HS6ST2: variants seen among roughly 807,000 people sequenced by gnomAD.
HS6ST2 encodes heparan-sulfate 6-O-sulfotransferase 2.
Under a neutral mutation model 33.0 loss-of-function variants are expected in HS6ST2, and 17 were observed. That is an observed-to-expected ratio of 0.52 (90% CI 0.35 to 0.77). The LOEUF is 0.77. Ranked by LOEUF, HS6ST2 falls within the 30% of genes least tolerant of loss-of-function variation. The pLI is 0.01. For synonymous variants in HS6ST2, 248 were observed against 237.1 expected (o/e 1.05, Z -0.42); for missense variants, 519 against 551.7 (o/e 0.94, Z 0.59).
In HS6ST2 at chrX:132,958,394, T is replaced by C; in HGVS notation, c.209A>G (p.Lys70Arg). 1 of 1,198,736 alleles carries C rather than the reference T, an allele frequency of 8.3e-7. No individual in the cohort carries two copies. The highest frequency in any genetic ancestry group is 3.0e-5 in the East Asian group (1 of 33,601). The change falls in exon 1 of 5, where the codon AAG becomes AGG. Residue 70 changes from lysine to arginine, a missense_variant. Transcript: ENST00000370833. ...HGFHTRPLLD[K>R]PRKASSSLAG... ...CAGGGAAGAAGACGCCTTTCGGGGC[T>C]TGTCCAGGAGCGGCCGGGTGTGGAA...
chrX:132,670,502 T>C (rs1467884073), intron 3 of HS6ST2, among the ~76,000 whole-genome samples: 1 of 111,507 alleles, frequency 9.0e-6, no homozygotes, highest in African/African-American at 3.3e-5. Flanking sequence ...TCCAAGCACT[T>C]AAGAGTCAGT....
intron 2 of HS6ST2, among the ~76,000 whole-genome samples, chrX:132,777,742 C>T (rs375519073): frequency 2.7e-5 from 3 of 110,659 alleles, no homozygotes; most frequent in East Asian, 2.8e-4. Flanking sequence ...CCACCACACC[C>T]GGCCTAAATA....
At chrX:132,752,810 T>C (rs747444729) in intron 2 of HS6ST2, among the ~76,000 whole-genome samples, 121 of 112,570 alleles carry the variant, frequency 1.1e-3, no homozygotes, top group Non-Finnish European at 2.0e-3. Context: ...TCCGTGCCTA[T>C]GACATTATGT....
intron 2 of HS6ST2, among the ~76,000 whole-genome samples, chrX:132,761,654 G>T (rs752188313): frequency 1.8e-5 from 2 of 112,119 alleles, no homozygotes; most frequent in South Asian, 7.6e-4. Context: ...GTCCATGCAA[G>T]GAGAGTTATT....
intron 2 of HS6ST2, among the ~76,000 whole-genome samples, chrX:132,954,716 T>A (rs1414204928): frequency 8.9e-6 from 1 of 112,287 alleles, no homozygotes; most frequent in Admixed American, 9.4e-5. Flanking sequence ...CACCGTAAAA[T>A]CCAGTAACTG....
intron 2 of HS6ST2, among the ~76,000 whole-genome samples, chrX:132,943,055 T>G (rs1370881116): frequency 8.9e-6 from 1 of 112,285 alleles, no homozygotes; most frequent in Non-Finnish European, 1.9e-5. Context: ...TTGAAATAAC[T>G]TCGGCATCTA....
At chrX:132,902,102 ATTT>A (rs772438138) in intron 2 of HS6ST2, among the ~76,000 whole-genome samples, 3 of 95,938 alleles carry the variant, frequency 3.1e-5, no homozygotes, top group Non-Finnish European at 2.1e-5. Context: ...CATATCACTC[ATTT>A]TTTTTTTTTT....
intron 3 of HS6ST2, 74 bp downstream of exon 3, chrX:132,708,388 G>T (rs1045559528): frequency 1.6e-6 from 1 of 640,439 alleles, no homozygotes; most frequent in Non-Finnish European, 2.1e-6. Flanking sequence ...GAAATTAAAC[G>T]GACAGGCAAC....
At chrX:132,864,353 G>T (rs371185275) in intron 2 of HS6ST2, among the ~76,000 whole-genome samples, 1 of 108,510 alleles carries the variant, frequency 9.2e-6, no homozygotes, top group Non-Finnish European at 1.9e-5. Flanking sequence ...TAAGAACCTT[G>T]AAAAAAGGTT....
At chrX:132,694,542 G>T (rs1404019661) in intron 3 of HS6ST2, among the ~76,000 whole-genome samples, 2 of 111,548 alleles carry the variant, frequency 1.8e-5, no homozygotes, top group Non-Finnish European at 3.8e-5. Context: ...ACCTTGCAGG[G>T]TTGGTTGTTG....
chrX:132,930,444 C>A (rs1210262988), intron 2 of HS6ST2, among the ~76,000 whole-genome samples: 1 of 111,517 alleles, frequency 9.0e-6, no homozygotes, highest in East Asian at 2.8e-4. Flanking sequence ...GGATTACAGG[C>A]ATGAGCTACT....
At chrX:132,715,470 A>G in intron 2 of HS6ST2, among the ~76,000 whole-genome samples, 1 of 111,800 alleles carries the variant, frequency 8.9e-6, no homozygotes, top group African/African-American at 3.3e-5. Flanking sequence ...TTCCGCAATC[A>G]TAAATCACAA....
chrX:132,878,113 T>TC (rs1003179580), intron 2 of HS6ST2, among the ~76,000 whole-genome samples: 5 of 112,090 alleles, frequency 4.5e-5, no homozygotes, highest in Non-Finnish European at 9.4e-5. Context: ...AAATCCAGGT[T>TC]CTCGTCTCAT....
At chrX:132,933,818 T>C (rs2066798443) in intron 2 of HS6ST2, among the ~76,000 whole-genome samples, 1 of 111,937 alleles carries the variant, frequency 8.9e-6, no homozygotes, top group Non-Finnish European at 1.9e-5. Flanking sequence ...GCATTCAACA[T>C]GCTTAGGAAA....
At chrX:132,828,675 A>ATT (rs1448733813) in intron 2 of HS6ST2, among the ~76,000 whole-genome samples, 12 of 49,422 alleles carry the variant, frequency 2.4e-4, no homozygotes, top group African/African-American at 4.7e-4. Flanking sequence ...GAAATATCAT[A>ATT]TTTTATATAT....
At chrX:132,859,943 G>A (rs941480709) in intron 2 of HS6ST2, among the ~76,000 whole-genome samples, 1 of 99,192 alleles carries the variant, frequency 1.0e-5, no homozygotes, top group Non-Finnish European at 2.0e-5. Flanking sequence ...GGGAGGGAGG[G>A]AAAAATGGCT....
chrX:132,942,633 T>A (rs967235922), intron 2 of HS6ST2, among the ~76,000 whole-genome samples: 1 of 111,909 alleles, frequency 8.9e-6, no homozygotes, highest in African/African-American at 3.2e-5. Context: ...CCTCCCTTGG[T>A]TTTTGAAAGA....
At chrX:132,848,765 G>T (rs770576487) in intron 2 of HS6ST2, among the ~76,000 whole-genome samples, 7 of 111,706 alleles carry the variant, frequency 6.3e-5, no homozygotes, top group Non-Finnish European at 1.3e-4. Context: ...TGGAATTACC[G>T]AAGTGTCTAA....
At chrX:132,926,472 G>T (rs1187949070) in intron 2 of HS6ST2, among the ~76,000 whole-genome samples, 2 of 112,449 alleles carry the variant, frequency 1.8e-5, no homozygotes, top group African/African-American at 3.2e-5. Context: ...ATTTGGTCCA[G>T]AACAGCCTCT....
Sources: gnomAD v4.1 joint callset for allele counts (sites outside exome capture counted in the v4.1 genomes callset) on GRCh38, gnomAD v4.1.1 for gene constraint, MANE v1.5 for transcripts, NCBI Gene and HGNC (gene_info 2026-07-23, HGNC 2026-07-21) for gene names.